The following MALRD1 variants were observed in gnomAD, a reference collection of about 807,000 sequenced individuals.
The protein encoded by MALRD1 is MAM and LDL-receptor class A domain-containing protein 1.
Under a neutral mutation model 242.1 loss-of-function variants are expected in MALRD1, and 247 were observed. The ratio of observed to expected loss-of-function variants is 1.02; its 90% CI spans 0.92 to 1.13. MALRD1 has a LOEUF of 1.13. Ranked by LOEUF, MALRD1 falls within the 50% of genes most tolerant of loss-of-function variation. The pLI is 0.00. For missense variants in MALRD1, 2,989 were observed against 2,533.1 expected (o/e 1.18, Z -3.86); for synonymous variants, 995 against 866.6 (o/e 1.15, Z -2.60).
chr10:19,651,935 G>A (rs912153654), intron 36 of MALRD1, among the ~76,000 whole-genome samples: 1 of 152,200 alleles, frequency 6.6e-6, no homozygotes, highest in African/African-American at 2.4e-5. Context: ...AAGGCTTGGG[G>A]TCTATGAAGC....
At chr10:19,095,498 C>G (rs1835993361) in intron 4 of MALRD1, among the ~76,000 whole-genome samples, 1 of 152,146 alleles carries the variant, frequency 6.6e-6, no homozygotes, top group Non-Finnish European at 1.5e-5. Flanking sequence ...CTTAAGCCAT[C>G]AGGCACTTAA....
At chr10:19,219,105 AT>A (rs989312044) in intron 18 of MALRD1, among the ~76,000 whole-genome samples, 4 of 151,924 alleles carry the variant, frequency 2.6e-5, no homozygotes, top group Admixed American at 6.6e-5. Flanking sequence ...AACTGTATCT[AT>A]TTTTTTCCCA....
At chr10:19,219,374 G>T (rs1232600786) in intron 18 of MALRD1, among the ~76,000 whole-genome samples, 1 of 152,094 alleles carries the variant, frequency 6.6e-6, no homozygotes, top group Non-Finnish European at 1.5e-5. Context: ...ATACTGCAAA[G>T]AAATAGTTTA....
chr10:19,438,307 G>T (rs1208443887), intron 28 of MALRD1, among the ~76,000 whole-genome samples: 3 of 152,172 alleles, frequency 2.0e-5, no homozygotes, highest in Non-Finnish European at 2.9e-5. Flanking sequence ...CACACATGTT[G>T]TAACATGTGT....
At position 19,056,427 on chromosome 10, in the gene MALRD1, A is replaced by G. The variant is rs1421370257; in HGVS notation, c.199+7290A>G. On this transcript the variant is annotated intron_variant, in intron 1 of 39. Transcript: ENST00000454679. ...CACCTTGTTAATTAAATTTATATCT[A>G]AGTATTATACTTTATGTGTTGCTAT... Among the ~76,000 whole-genome samples, 3 of 152,040 alleles carry G rather than the reference A, an allele frequency of 2.0e-5. No individual in the cohort carries two copies. In the South Asian group the frequency reaches 6.2e-4, roughly 31 times the overall value.
intron 36 of MALRD1, among the ~76,000 whole-genome samples, chr10:19,643,291 A>C (rs916789172): frequency 1.3e-5 from 2 of 151,968 alleles, no homozygotes; most frequent in Non-Finnish European, 2.9e-5. Context: ...AAAAAGAAAA[A>C]AAAAATTAGG....
Position 19,495,987 on chromosome 10 carries a change from A to G in MALRD1, c.5159-2498A>G, listed in dbSNP as rs1837698653. ...ATCAAGAAAGACAATGACTGTAGAT[A>G]TGGTAAAGGATTCAATTCAACAAGA... On this transcript the variant is annotated intron_variant, in intron 30 of 39. Transcript: ENST00000454679. 1.3e-5 allele frequency among the ~76,000 whole-genome samples: 2 copies of G among 152,334 alleles called. 1 individual carries two copies. Among genetic ancestry groups the G allele is most frequent in the Admixed American group, 1.3e-4 (2 of 15,304 alleles).
chr10:19,145,935 A>G (rs910819028), intron 10 of MALRD1, among the ~76,000 whole-genome samples: 2 of 152,126 alleles, frequency 1.3e-5, no homozygotes, highest in Admixed American at 6.6e-5. Context: ...TCCACCTTGC[A>G]TCATTAAATA....
chr10:19,585,257 A>T (rs1837329971), intron 33 of MALRD1, among the ~76,000 whole-genome samples: 3 of 150,532 alleles, frequency 2.0e-5, no homozygotes, highest in Admixed American at 2.0e-4. Context: ...TGTGAATTTG[A>T]TCCTGTCATT....
At chr10:19,176,717 C>A (rs1026286804) in intron 14 of MALRD1, among the ~76,000 whole-genome samples, 4 of 152,034 alleles carry the variant, frequency 2.6e-5, no homozygotes, top group Non-Finnish European at 5.9e-5. Flanking sequence ...TTACTTTATT[C>A]AGAATGTGTA....
At chr10:19,719,169 T>C (rs531351675) in intron 38 of MALRD1, among the ~76,000 whole-genome samples, 1,199 of 81,536 alleles carry the variant, frequency 0.015, 27 homozygotes, top group Admixed American at 0.024. Flanking sequence ...TATATATATA[T>C]ACATACATAT....
At chr10:19,287,005 G>T (rs1841160001) in intron 21 of MALRD1, among the ~76,000 whole-genome samples, 1 of 151,836 alleles carries the variant, frequency 6.6e-6, no homozygotes, top group Non-Finnish European at 1.5e-5. Context: ...GGGATGCAAG[G>T]CTGGTTCAAT....
At chr10:19,122,806 A>T (rs1588576874) in intron 5 of MALRD1, among the ~76,000 whole-genome samples, 1 of 151,792 alleles carries the variant, frequency 6.6e-6, no homozygotes, top group South Asian at 2.1e-4. Flanking sequence ...GCTCACTGCA[A>T]CCTCCACCTC....
At chr10:19,121,029 C>A (rs1363580038) in intron 5 of MALRD1, among the ~76,000 whole-genome samples, 1 of 150,922 alleles carries the variant, frequency 6.6e-6, no homozygotes, top group African/African-American at 2.4e-5. Flanking sequence ...CAGGCGTGAG[C>A]CACTGTGCCC....
intron 5 of MALRD1, among the ~76,000 whole-genome samples, chr10:19,116,529 C>T (rs1208755378): frequency 6.6e-6 from 1 of 152,190 alleles, no homozygotes; most frequent in African/African-American, 2.4e-5. Flanking sequence ...GGAGTAAAAA[C>T]TGGATGTCAA....
chr10:19,569,607 C>A (rs934883001), intron 33 of MALRD1, among the ~76,000 whole-genome samples: 1 of 148,542 alleles, frequency 6.7e-6, no homozygotes, highest in Non-Finnish European at 1.5e-5. Flanking sequence ...TCCAGTCATT[C>A]TTTGCTCTGT....
intron 27 of MALRD1, among the ~76,000 whole-genome samples, chr10:19,388,883 A>AG (rs1333038066): frequency 1.4e-5 from 2 of 145,762 alleles, no homozygotes; most frequent in South Asian, 4.3e-4. Flanking sequence ...GGTCTACTGA[A>AG]AAAAAAAAAA....
intron 19 of MALRD1, among the ~76,000 whole-genome samples, chr10:19,267,622 A>G (rs1376247916): frequency 6.6e-6 from 1 of 152,148 alleles, no homozygotes; most frequent in Non-Finnish European, 1.5e-5. Flanking sequence ...TACTTTTAAG[A>G]TATCACCTGC....
At chr10:19,491,202 T>C (rs1837477969) in intron 29 of MALRD1, 2 of 554,788 alleles carry the variant, frequency 3.6e-6, no homozygotes, top group Admixed American at 2.3e-5. Flanking sequence ...GGTGGCAGGC[T>C]GCACATACCC....
Sources: gnomAD v4.1 joint callset for allele counts (sites outside exome capture counted in the v4.1 genomes callset) on GRCh38, gnomAD v4.1.1 for gene constraint, MANE v1.5 for transcripts, NCBI Gene and HGNC (gene_info 2026-07-23, HGNC 2026-07-21) for gene names.